Variants in FAM107B observed in about 807,000 individuals in gnomAD.
FAM107B encodes the protein protein FAM107B.
A neutral mutation model predicts 31.5 loss-of-function variants in FAM107B; 21 were observed. The observed-to-expected ratio is 0.67, with a 90% confidence interval of 0.47 to 0.96. The LOEUF is 0.96. FAM107B is among the 40% of genes least tolerant of loss of function. FAM107B has a pLI of 0.00. For missense variants in FAM107B, 452 were observed against 377.1 expected (o/e 1.20, Z -1.64); for synonymous variants, 157 against 141.5 (o/e 1.11, Z -0.78).
chr10:14,521,458 T>G, intron 4 of FAM107B, 152 bp from the exon 5 acceptor site: 1 of 676,570 alleles, frequency 1.5e-6, no homozygotes, highest in Non-Finnish European at 2.5e-6. Context: ...ATGGATAGAG[T>G]CTGGGTAATT....
chr10:14,758,873 GAAAAAAAAAA>G (rs57967855), intron 1 of FAM107B, among the ~76,000 whole-genome samples: 5 of 38,968 alleles, frequency 1.3e-4, no homozygotes, highest in Admixed American at 7.3e-4. Flanking sequence ...GACCCTCTCA[GAAAAAAAAAA>G]AAAAAAAAAA....
intron 2 of FAM107B, among the ~76,000 whole-genome samples, chr10:14,641,432 GCCGCCATA>G (rs1202369981): frequency 6.6e-6 from 1 of 152,130 alleles, no homozygotes; most frequent in Non-Finnish European, 1.5e-5. Flanking sequence ...CTTAGCTCAG[GCCGCCATA>G]ACAAAATCCC....
chr10:14,737,821 C>G (rs1856342779), intron 1 of FAM107B, among the ~76,000 whole-genome samples: 1 of 134,022 alleles, frequency 7.5e-6, no homozygotes, highest in Non-Finnish European at 1.6e-5. Flanking sequence ...TAAACTTGTA[C>G]CAGCCACAAG....
intron 2 of FAM107B, among the ~76,000 whole-genome samples, chr10:14,535,650 C>A (rs1847530376): frequency 6.6e-6 from 1 of 152,178 alleles, no homozygotes; most frequent in African/African-American, 2.4e-5. Context: ...TGGCTCCAGT[C>A]GTTCAGAGTG....
At chr10:14,609,793 A>G (rs1354070636) in intron 2 of FAM107B, among the ~76,000 whole-genome samples, 4 of 152,194 alleles carry the variant, frequency 2.6e-5, no homozygotes, top group Non-Finnish European at 4.4e-5. Flanking sequence ...TTAGAATTCT[A>G]TGACAGATGG....
chr10:14,737,789 TC>T (rs1770031826), intron 1 of FAM107B, among the ~76,000 whole-genome samples: 1 of 151,008 alleles, frequency 6.6e-6, no homozygotes, highest in African/African-American at 2.4e-5. Context: ...TCTCTCTCTC[TC>T]TCTCTCTCTC....
chr10:14,764,593 AC>A (rs1173520898), intron 1 of FAM107B, among the ~76,000 whole-genome samples: 1 of 152,218 alleles, frequency 6.6e-6, no homozygotes, highest in East Asian at 1.9e-4. Flanking sequence ...AAAAGTGTTA[AC>A]TTGAGGAGCC....
intron 2 of FAM107B, among the ~76,000 whole-genome samples, chr10:14,597,341 A>C (rs978177297): frequency 6.9e-6 from 1 of 145,068 alleles, no homozygotes; most frequent in Non-Finnish European, 1.5e-5. Flanking sequence ...AAACTTGGAT[A>C]AAGCGTGAGT....
chr10:14,539,826 G>A (rs1588519059), intron 2 of FAM107B, among the ~76,000 whole-genome samples: 3 of 152,246 alleles, frequency 2.0e-5, no homozygotes, highest in South Asian at 4.1e-4. Context: ...TAGGACTGCA[G>A]ATAAGACACA....
intron 2 of FAM107B, among the ~76,000 whole-genome samples, chr10:14,550,492 T>C (rs1478472517): frequency 6.6e-6 from 1 of 152,212 alleles, no homozygotes; most frequent in Admixed American, 6.5e-5. Flanking sequence ...CAAGTGATGT[T>C]TGCCCAAAGT....
At position 14,774,263 on chromosome 10, in the gene FAM107B, T is replaced by G. The variant is rs1205919273; in HGVS notation, c.401A>C (p.Asp134Ala). 1.2e-6 allele frequency: 2 copies of G among 1,609,228 alleles called. No homozygotes were observed. Among genetic ancestry groups the G allele is most frequent in the East Asian group, 4.5e-5 (2 of 44,770 alleles). ...HASIPRPSII[D>A]TPKEEEFREE... ...CGAACACTCACTCACCTTGGGCGTG[T>G]CAATAATTGATGGTCTGGGGATGGA... Residue 134 changes from aspartate (D) to alanine (A), a missense_variant, in exon 1 of 5, where the codon GAC becomes GCC. Asp to Ala is a moderately radical substitution (Grantham distance 126). Coordinates refer to ENST00000181796, the MANE Select transcript of FAM107B (RefSeq NM_031453.4).
At chr10:14,620,356 T>G (rs553756182) in intron 2 of FAM107B, among the ~76,000 whole-genome samples, 1 of 152,252 alleles carries the variant, frequency 6.6e-6, no homozygotes, top group African/African-American at 2.4e-5. Flanking sequence ...TCTCTGTATA[T>G]CTAACCTTTC....
intron 2 of FAM107B, among the ~76,000 whole-genome samples, chr10:14,642,602 C>T (rs972152664): frequency 4.1e-5 from 6 of 146,034 alleles, no homozygotes; most frequent in African/African-American, 1.3e-4. Context: ...ATAGTTTGGC[C>T]ATGACCTTGG....
intron 2 of FAM107B, 80 bp downstream of exon 2, chr10:14,667,554 T>C (rs1854435667): frequency 2.1e-6 from 3 of 1,434,782 alleles, no homozygotes; most frequent in South Asian, 2.5e-5. Context: ...TCCTTTGCAA[T>C]CTGAAAAGCC....
intron 1 of FAM107B, among the ~76,000 whole-genome samples, chr10:14,760,254 C>T (rs958413159): frequency 6.6e-6 from 1 of 152,202 alleles, no homozygotes; most frequent in African/African-American, 2.4e-5. Context: ...GTCCTCTTCA[C>T]CCATTTCCTG....
intron 2 of FAM107B, among the ~76,000 whole-genome samples, chr10:14,550,921 G>A (rs562898540): frequency 6.6e-6 from 1 of 152,252 alleles, no homozygotes; most frequent in African/African-American, 2.4e-5. Context: ...TCATCACTTC[G>A]AGAGGAACAA....
At chr10:14,550,867 T>G (rs1398695416) in intron 2 of FAM107B, among the ~76,000 whole-genome samples, 4 of 152,342 alleles carry the variant, frequency 2.6e-5, no homozygotes, top group Admixed American at 2.6e-4. Flanking sequence ...ATACTCATAA[T>G]GAAAACTTGT....
chr10:14,523,374 A>G (rs1845872960), intron 3 of FAM107B, among the ~76,000 whole-genome samples: 3 of 152,260 alleles, frequency 2.0e-5, no homozygotes, highest in Non-Finnish European at 1.5e-5. Flanking sequence ...TTCAGGCAGC[A>G]CAGGGTGTAG....
chr10:14,685,760 G>A (rs7897509), intron 1 of FAM107B, among the ~76,000 whole-genome samples: 66,920 of 151,990 alleles, frequency 0.44, 15,548 homozygotes, highest in East Asian at 0.64. Flanking sequence ...TATCCGCTCA[G>A]TCTCCCTCTC....
Sources: gnomAD v4.1 joint callset for allele counts (sites outside exome capture counted in the v4.1 genomes callset) on GRCh38, gnomAD v4.1.1 for gene constraint, MANE v1.5 for transcripts, NCBI Gene and HGNC (gene_info 2026-07-23, HGNC 2026-07-21) for gene names.